The following MVB12B variants were observed in gnomAD, a reference collection of about 807,000 sequenced individuals.
The protein encoded by MVB12B is multivesicular body subunit 12B.
A neutral mutation model predicts 41.6 loss-of-function variants in MVB12B; 16 were observed. That is an observed-to-expected ratio of 0.38 (90% CI 0.26 to 0.58). The LOEUF is 0.58. MVB12B is among the 20% of genes least tolerant of loss of function. The probability of loss-of-function intolerance (pLI) is 0.62; values close to 1 mark genes in which losing one functional copy is unlikely to be tolerated. For synonymous variants in MVB12B, 133 were observed against 139.7 expected (o/e 0.95, Z 0.34); for missense variants, 274 against 380.2 (o/e 0.72, Z 2.32).
At chr9:126,346,844 C>T (rs997679156) in intron 2 of MVB12B, among the ~76,000 whole-genome samples, 3 of 152,122 alleles carry the variant, frequency 2.0e-5, no homozygotes, top group Admixed American at 2.0e-4. Flanking sequence ...TTCAAAGTTG[C>T]CGAAGTGAAA....
At chr9:126,455,177 T>TTTTTA (rs565045371) in intron 7 of MVB12B, among the ~76,000 whole-genome samples, 173 of 151,332 alleles carry the variant, frequency 1.1e-3, no homozygotes, top group East Asian at 3.1e-3. Context: ...TTTATTTTAT[T>TTTTTA]TTTTATTTTA....
intron 7 of MVB12B, among the ~76,000 whole-genome samples, chr9:126,433,868 G>C (rs946995642): frequency 6.6e-6 from 1 of 152,084 alleles, no homozygotes; most frequent in African/African-American, 2.4e-5. Flanking sequence ...AAGCATCTCT[G>C]AGTTAAGACA....
chr9:126,451,317 T>C (rs559254889), intron 7 of MVB12B, among the ~76,000 whole-genome samples: 1 of 152,138 alleles, frequency 6.6e-6, no homozygotes, highest in South Asian at 2.1e-4. Context: ...CCACGGTAGG[T>C]GCTCACCACT....
intron 2 of MVB12B, among the ~76,000 whole-genome samples, chr9:126,354,467 G>A (rs1829829864): frequency 6.6e-6 from 1 of 152,204 alleles, no homozygotes; most frequent in Admixed American, 6.5e-5. Context: ...GAGAAACAGT[G>A]TATTTACAGA....
chr9:126,481,796 T>A (rs980583472), intron 8 of MVB12B, among the ~76,000 whole-genome samples: 4 of 152,264 alleles, frequency 2.6e-5, no homozygotes, highest in Non-Finnish European at 4.4e-5. Flanking sequence ...TGAGCTTCCC[T>A]GGTTGTGAAT....
At chr9:126,482,367 C>G (rs531256585) in intron 8 of MVB12B, among the ~76,000 whole-genome samples, 22 of 152,378 alleles carry the variant, frequency 1.4e-4, no homozygotes, top group Middle Eastern at 3.4e-3. Context: ...ACCCGGCTTG[C>G]GATTTGACCT....
At chr9:126,472,170 T>C (rs926169586) in intron 7 of MVB12B, among the ~76,000 whole-genome samples, 1 of 151,844 alleles carries the variant, frequency 6.6e-6, no homozygotes, top group African/African-American at 2.4e-5. Context: ...TCCGGAGCCT[T>C]GGGAGTTGGT....
intron 6 of MVB12B, among the ~76,000 whole-genome samples, chr9:126,418,882 C>T (rs553772013): frequency 3.9e-5 from 6 of 152,276 alleles, no homozygotes; most frequent in South Asian, 2.1e-4. Flanking sequence ...TGAGTCTTCC[C>T]GCCTTCCATA....
intron 6 of MVB12B, among the ~76,000 whole-genome samples, chr9:126,412,929 CA>C (rs769295807): frequency 2.4e-4 from 36 of 152,204 alleles, no homozygotes; most frequent in Admixed American, 3.9e-4. Flanking sequence ...TGGCTCTCTT[CA>C]TCTATTCGTT....
At chr9:126,489,647 A>G (rs1053859380) in intron 9 of MVB12B, among the ~76,000 whole-genome samples, 2 of 152,032 alleles carry the variant, frequency 1.3e-5, no homozygotes, top group Non-Finnish European at 2.9e-5. Context: ...AGAAATTCCA[A>G]CTCAAACGCC....
chr9:126,478,724 C>T lies in MVB12B; in HGVS notation c.758-2645C>T, dbSNP rs1236351397. Among the ~76,000 whole-genome samples the T allele has an allele frequency of 6.6e-6, 1 of 152,134 alleles. No homozygotes were observed. Among genetic ancestry groups the T allele is most frequent in the African/African-American group, 2.4e-5 (1 of 41,424 alleles). On this transcript the variant is annotated intron_variant, in intron 7 of 9. Coordinates refer to ENST00000361171, the MANE Select transcript of MVB12B (RefSeq NM_033446.3). This position sits in a 1 kb window ranked among gnomAD's most constrained non-coding sequence, Gnocchi z 4.2. ...ACTGACAGCCTCTGACTAGGGAGGC[C>T]TCCCATGGGAGGAGCCCCCTTCCTC...
At chr9:126,366,767 A>T (rs1451416844) in intron 2 of MVB12B, among the ~76,000 whole-genome samples, 1 of 151,882 alleles carries the variant, frequency 6.6e-6, no homozygotes, top group Non-Finnish European at 1.5e-5. Flanking sequence ...TGCACTGAGC[A>T]TTCTTCTCTC....
At chr9:126,355,602 A>C (rs564068144) in intron 2 of MVB12B, among the ~76,000 whole-genome samples, 166 of 152,322 alleles carry the variant, frequency 1.1e-3, no homozygotes, top group Non-Finnish European at 1.9e-3. Flanking sequence ...TGACCACAGG[A>C]AGAAATCTTG....
At chr9:126,347,890 A>G (rs1057232211) in intron 2 of MVB12B, among the ~76,000 whole-genome samples, 10 of 152,204 alleles carry the variant, frequency 6.6e-5, no homozygotes, top group African/African-American at 2.2e-4. Flanking sequence ...GGGGCCTTTC[A>G]GGGGGCAGGA....
chr9:126,447,415 T>A lies in MVB12B; in HGVS notation c.757+25467T>A, dbSNP rs1588180693. Among the ~76,000 whole-genome samples, 4 of 151,996 alleles carry A rather than the reference T, an allele frequency of 2.6e-5. No homozygotes were observed. In the South Asian group the frequency reaches 6.2e-4, roughly 24 times the overall value. The stretch of plus-strand genomic sequence containing the variant: ...GGTGGCATTCTGTAGCTTTCATATA[T>A]AATATTTATTTATAAATACATAATT... On this transcript the variant is annotated intron_variant, in intron 7 of 9. Coordinates refer to ENST00000361171, the MANE Select transcript of MVB12B (RefSeq NM_033446.3).
At position 126,459,368 on chromosome 9, in the gene MVB12B, G is replaced by T. The variant is rs1833044472; in HGVS notation, c.758-22001G>T. On this transcript the variant is annotated intron_variant, in intron 7 of 9. Transcript: ENST00000361171. This position sits in a 1 kb window ranked among gnomAD's most constrained non-coding sequence, Gnocchi z 4.3. ...ACCCATGGGGACAGTCTAGCATGGT[G>T]CTTGGCACAAAGTCCAAAGCCGTCT... 6.6e-6 allele frequency among the ~76,000 whole-genome samples: 1 copy of T among 152,186 alleles called. No individual in the cohort carries two copies. The highest frequency in any genetic ancestry group is 1.5e-5 in the Non-Finnish European group (1 of 68,030).
At chr9:126,346,378 G>A (rs1221827579) in intron 2 of MVB12B, among the ~76,000 whole-genome samples, 1 of 152,152 alleles carries the variant, frequency 6.6e-6, no homozygotes, top group Non-Finnish European at 1.5e-5. Flanking sequence ...TGGGAGGTGG[G>A]GGAGTAGGGA....
intron 6 of MVB12B, among the ~76,000 whole-genome samples, chr9:126,421,549 C>T (rs1832019684): frequency 6.6e-6 from 1 of 152,216 alleles, no homozygotes; most frequent in Non-Finnish European, 1.5e-5. Flanking sequence ...AGATCTGGAT[C>T]AAACTGCCAC....
intron 9 of MVB12B, among the ~76,000 whole-genome samples, chr9:126,498,498 T>C (rs28591969): frequency 0.28 from 43,057 of 152,046 alleles, 7,858 homozygotes; most frequent in African/African-American, 0.52. Flanking sequence ...CCTGGCCCTA[T>C]CGTGATTCAC....
Sources: allele counts gnomAD v4.1 joint callset (sites outside exome capture counted in the v4.1 genomes callset), GRCh38; gene constraint gnomAD v4.1.1; non-coding constraint Gnocchi (gnomAD v3.1); transcripts MANE v1.5; gene names NCBI Gene and HGNC (gene_info 2026-07-23, HGNC 2026-07-21).